ZFY: variants seen among roughly 807,000 people sequenced by gnomAD.
ZFY encodes zinc finger protein Y-linked, also known as zinc finger Y-chromosomal protein.
For synonymous variants in ZFY, 47 were observed against 55.8 expected (o/e 0.84, Z 0.71); for missense variants, 113 against 170.9 (o/e 0.66, Z 1.89).
chrY:2,970,076 A>G, intron 3 of ZFY, among the ~76,000 whole-genome samples: 10 of 32,818 alleles, frequency 3.0e-4, no homozygotes, highest in Non-Finnish European at 6.7e-4. Flanking sequence ...AGAAAAAGCT[A>G]TCTTTTAGGG....
chrY:2,980,566 T>C lies in ZFY; in HGVS notation c.*573T>C. 2.8e-5 allele frequency: 1 copy of C among 35,240 alleles called. No homozygotes were observed. The allele number at this position is 35,240 out of a possible 400,897, so 8.8% of individuals were successfully genotyped here. On this transcript the variant is annotated 3_prime_UTR_variant, in exon 8 of 8. Transcript: ENST00000155093. Reference sequence around the variant, plus strand: ...ATTTCATTTTGTTCAGCAGACAAAATGTACTTCCCTTAACTTTCATTAATA... The same window carrying C: ...ATTTCATTTTGTTCAGCAGACAAAACGTACTTCCCTTAACTTTCATTAATA...
chrY:2,945,552 C>T, intron 1 of ZFY, among the ~76,000 whole-genome samples: 4 of 31,764 alleles, frequency 1.3e-4, no homozygotes, highest in Non-Finnish European at 2.3e-4. Flanking sequence ...CTTACTGCAA[C>T]CTGTGCCTCC....
chrY:2,960,545 A>C, intron 2 of ZFY, among the ~76,000 whole-genome samples: 1 of 32,203 alleles, frequency 3.1e-5, no homozygotes, highest in African/African-American at 1.2e-4. Context: ...GAAAGAGAAA[A>C]AAGAAAGGGT....
chrY:2,972,741 T>C, intron 3 of ZFY, among the ~76,000 whole-genome samples: 1 of 33,806 alleles, frequency 3.0e-5, no homozygotes, highest in Non-Finnish European at 7.3e-5. Flanking sequence ...CCTCTAACAA[T>C]TTAAACTTAA....
At chrY:2,941,890 G>A in intron 1 of ZFY, among the ~76,000 whole-genome samples, 1 of 31,483 alleles carries the variant, frequency 3.2e-5, no homozygotes, top group South Asian at 7.5e-4. Flanking sequence ...CATATTTTTA[G>A]TGAGGTTGAG....
At chrY:2,945,265 C>A (rs2051258469) in intron 1 of ZFY, among the ~76,000 whole-genome samples, 1 of 32,063 alleles carries the variant, frequency 3.1e-5, no homozygotes, top group East Asian at 8.1e-4. Flanking sequence ...TACATTTTGC[C>A]ATTTTTCCTT....
intron 1 of ZFY, among the ~76,000 whole-genome samples, chrY:2,951,019 A>G: frequency 6.0e-5 from 2 of 33,429 alleles, no homozygotes; most frequent in African/African-American, 2.3e-4. Flanking sequence ...GCATTTATAA[A>G]TATTTGTAAA....
intron 1 of ZFY, among the ~76,000 whole-genome samples, chrY:2,944,544 A>C: frequency 9.9e-5 from 3 of 30,439 alleles, no homozygotes; most frequent in Non-Finnish European, 2.4e-4. Context: ...AGTCTCATAG[A>C]TGCTAATAAA....
chrY:2,975,251 G>A lies in ZFY; in HGVS notation c.784+7G>A. On this transcript the variant is annotated splice_region_variant and intron_variant, in intron 4 of 7. Transcript: ENST00000155093. The stretch of plus-strand genomic sequence containing the variant: ...CCTGGAGAAGATGACTTAGGTAAGA[G>A]GAAGCTGTCAGCATTTTATACATTG... The A allele has an allele frequency of 2.6e-6, 1 of 391,151 alleles. No individual in the cohort carries two copies.
chrY:2,945,951 A>AT (rs2051261189), intron 1 of ZFY, among the ~76,000 whole-genome samples: 1 of 33,591 alleles, frequency 3.0e-5, no homozygotes, highest in African/African-American at 1.2e-4. Flanking sequence ...ACTGATGATG[A>AT]TTCTTGTCTT....
intron 1 of ZFY, among the ~76,000 whole-genome samples, chrY:2,938,983 T>TATA (rs2051228023): frequency 1.9e-4 from 1 of 5,223 alleles, no homozygotes; most frequent in African/African-American, 9.6e-4. Context: ...CATACAGTGC[T>TATA]TATATATATA....
chrY:2,973,728 G>T (rs1603311963), intron 3 of ZFY, among the ~76,000 whole-genome samples: 1 of 33,782 alleles, frequency 3.0e-5, no homozygotes, highest in East Asian at 7.8e-4. Flanking sequence ...ATAGTAGTCA[G>T]TGCCCACAGT....
chrY:2,952,779 T>A, intron 1 of ZFY, among the ~76,000 whole-genome samples: 1 of 32,904 alleles, frequency 3.0e-5, no homozygotes, highest in Non-Finnish European at 7.5e-5. Flanking sequence ...AGAGGATTAC[T>A]TGAGCCTAGG....
At chrY:2,968,608 C>T (rs1603311790) in intron 3 of ZFY, among the ~76,000 whole-genome samples, 2 of 32,965 alleles carry the variant, frequency 6.1e-5, no homozygotes. Flanking sequence ...CCACTGTGCC[C>T]GGTTGTTTTC....
At chrY:2,936,699 G>C in intron 1 of ZFY, among the ~76,000 whole-genome samples, 1 of 34,212 alleles carries the variant, frequency 2.9e-5, no homozygotes, top group Non-Finnish European at 7.3e-5. Flanking sequence ...ATGACATTGA[G>C]ATTTTATTTG....
chrY:2,977,180 CAAAAAAAAAAAAAAAAAAAAAA>C (rs1383315345), intron 6 of ZFY, among the ~76,000 whole-genome samples: 1 of 409 alleles, frequency 2.4e-3, no homozygotes, highest in Non-Finnish European at 4.6e-3. Context: ...GACTCCATCT[CAAAAAAAAAAAAAAAAAAAAAA>C]AAAAAAAAAA....
intron 3 of ZFY, 135 bp from the exon 4 acceptor site, chrY:2,974,960 A>T: frequency 5.2e-6 from 1 of 193,734 alleles, no homozygotes; most frequent in Non-Finnish European, 8.4e-6. Context: ...CATCTCAAAA[A>T]ATAAAACAGA....
At chrY:2,972,618 T>A in intron 3 of ZFY, among the ~76,000 whole-genome samples, 3 of 34,098 alleles carry the variant, frequency 8.8e-5, no homozygotes, top group Admixed American at 2.6e-4. Flanking sequence ...TACCATTGCC[T>A]TTTGTAAGTA....
intron 1 of ZFY, among the ~76,000 whole-genome samples, chrY:2,950,745 A>T: frequency 3.0e-5 from 1 of 33,717 alleles, no homozygotes; most frequent in Non-Finnish European, 7.4e-5. Context: ...CATAGGCTCA[A>T]GTACATAGTA....
Sources: gnomAD v4.1 joint callset for allele counts (sites outside exome capture counted in the v4.1 genomes callset) on GRCh38, gnomAD v4.1.1 for gene constraint, MANE v1.5 for transcripts, NCBI Gene and HGNC (gene_info 2026-07-23, HGNC 2026-07-21) for gene names.